The following KIF9 variants were observed in gnomAD, a reference collection of about 807,000 sequenced individuals.
KIF9 encodes kinesin family member 9.
KIF9 carries 68 observed loss-of-function variants against 94.8 expected under a neutral mutation model. That is an observed-to-expected ratio of 0.72 (90% CI 0.59 to 0.88). The LOEUF is 0.88. Among genes scored for constraint, KIF9 ranks in the 40% least tolerant of loss-of-function variants. The pLI is 0.00. For synonymous variants in KIF9, 343 were observed against 362.1 expected (o/e 0.95, Z 0.60); for missense variants, 882 against 982.5 (o/e 0.90, Z 1.37).
At chr3:47,237,374 G>A (rs1258090596) in intron 17 of KIF9, among the ~76,000 whole-genome samples, 6 of 152,180 alleles carry the variant, frequency 3.9e-5, no homozygotes, top group African/African-American at 1.2e-4. Flanking sequence ...GATTACAGGC[G>A]TGAGCCACCA....
chr3:47,244,714 G>A, intron 15 of KIF9, 77 bp downstream of exon 15: 1 of 1,541,660 alleles, frequency 6.5e-7, no homozygotes. Context: ...GGGGGAAAGT[G>A]GGAACAGTGC....
At position 47,280,879 on chromosome 3, in the gene KIF9, G is replaced by A. The variant is rs113295284; in HGVS notation, c.-6+1616C>T. The A allele has an allele frequency of 7.1e-3, 4,968 of 702,792 alleles. 33 individuals are homozygous for A. Among genetic ancestry groups the A allele is most frequent in the Non-Finnish European group, 8.8e-3 (3,390 of 384,896 alleles). The allele number at this position is 702,792 out of a possible 1,614,324, so 43.5% of individuals were successfully genotyped here. A position where few individuals can be genotyped will look rare whatever the true frequency, so the allele number is the denominator to read the frequency against. On this transcript the variant is annotated intron_variant, in intron 1 of 20. Transcript: ENST00000684063. ...CAATAAAGTCTTCCTTTGCACACCC[G>A]TCTTGTGAGCCTGCTACTCAGCAGC...
chr3:47,228,854 G>A lies in KIF9; in HGVS notation c.2323-152C>T, dbSNP rs1698345676. On this transcript the variant is annotated intron_variant, in intron 20 of 20. Transcript: ENST00000684063. The stretch of plus-strand genomic sequence containing the variant: ...TCCTTCTGAGTAGCCCCAATTCTCT[G>A]AGAAATAACATCCATTCAAACTCTT... 4.4e-6 allele frequency: 3 copies of A among 682,000 alleles called. No homozygotes were observed. The East Asian group carries it at 7.6e-5, about 17-fold the overall frequency. 42.2% of individuals were successfully genotyped at this position (682,000 alleles called of 1,614,324 possible). A position where few individuals can be genotyped will look rare whatever the true frequency, so the allele number is the denominator to read the frequency against.
At chr3:47,264,113 G>A in intron 9 of KIF9, 173 bp downstream of exon 9, 1 of 604,182 alleles carries the variant, frequency 1.7e-6, no homozygotes, top group Non-Finnish European at 3.1e-6. Context: ...CTTGGTGTGT[G>A]GATCCTAGCT....
At chr3:47,238,576 T>C (rs548443951) in intron 17 of KIF9, 1 of 152,238 alleles carries the variant, frequency 6.6e-6, no homozygotes, top group Non-Finnish European at 1.5e-5. Context: ...AAAGGTATTT[T>C]ATTAATATTT....
chr3:47,239,925 G>A, intron 17 of KIF9: 2 of 1,367,714 alleles, frequency 1.5e-6, no homozygotes, highest in Non-Finnish European at 2.0e-6. Flanking sequence ...TCTGGAAGAA[G>A]ACAGTAAGAC....
chr3:47,266,059 T>C (rs1701272426), intron 7 of KIF9, 182 bp from the exon 8 acceptor site: 4 of 573,550 alleles, frequency 7.0e-6, no homozygotes, highest in South Asian at 2.4e-5. Flanking sequence ...ATAATGGTAA[T>C]ACCAAAACTC....
At chr3:47,241,856 A>ATG (rs1269884983) in intron 16 of KIF9, among the ~76,000 whole-genome samples, 1 of 112,892 alleles carries the variant, frequency 8.9e-6, no homozygotes, top group African/African-American at 3.3e-5. Context: ...ATATATATAT[A>ATG]TATATACACA....
rs1427767676 is a variant in KIF9, at chr3:47,240,969, T to A, written c.1756A>T (p.Asn586Tyr). 2 of 1,614,052 alleles carry A rather than the reference T, an allele frequency of 1.2e-6. No individual in the cohort carries two copies. Among genetic ancestry groups the A allele is most frequent in the Non-Finnish European group, 1.7e-6 (2 of 1,180,040 alleles). The change falls in exon 17 of 21, where the codon AAT becomes TAT. Residue 586 changes from asparagine to tyrosine, a missense_variant. Coordinates refer to ENST00000684063, the MANE Select transcript of KIF9 (RefSeq NM_182902.4). ...CGGTTGATCTCACTACCTTGCTCAT[T>A]CTTAAACTCCTCAAAGGCCACTGGT... ...SKPVAFEEFKNEQGSEINRIF... is the reference protein window; with the variant it reads ...SKPVAFEEFKYEQGSEINRIF...
At chr3:47,229,906 G>A (rs772676616) in intron 20 of KIF9, among the ~76,000 whole-genome samples, 3 of 151,952 alleles carry the variant, frequency 2.0e-5, no homozygotes, top group African/African-American at 2.4e-5. Context: ...GCTAGTTTTT[G>A]TGTTTTTAGT....
intron 1 of KIF9, among the ~76,000 whole-genome samples, chr3:47,279,805 G>T (rs927484312): frequency 6.6e-6 from 1 of 152,030 alleles, no homozygotes; most frequent in Non-Finnish European, 1.5e-5. Context: ...TTTTAGTAGA[G>T]ATGGGGTTTC....
intron 16 of KIF9, among the ~76,000 whole-genome samples, chr3:47,241,805 A>ATATG (rs1553616058): frequency 6.9e-6 from 1 of 143,920 alleles, no homozygotes; most frequent in South Asian, 2.1e-4. Context: ...ATATGTATAT[A>ATATG]TGTATATATG....
intron 17 of KIF9, chr3:47,239,612 C>T: frequency 9.6e-7 from 1 of 1,044,412 alleles, no homozygotes; most frequent in East Asian, 7.3e-5. Flanking sequence ...TTTTCCAAGA[C>T]AGTCTTCATC....
chr3:47,262,790 A>G (rs1442708554), intron 9 of KIF9, among the ~76,000 whole-genome samples: 1 of 152,230 alleles, frequency 6.6e-6, no homozygotes, highest in Non-Finnish European at 1.5e-5. Context: ...CTTTGGAAAT[A>G]ATCTGTTTCT....
At chr3:47,248,743 C>T (rs1161226622) in intron 10 of KIF9, among the ~76,000 whole-genome samples, 1 of 152,056 alleles carries the variant, frequency 6.6e-6, no homozygotes, top group African/African-American at 2.4e-5. Context: ...ATACCCAGCA[C>T]CAGAATGCTT....
At chr3:47,278,237 A>G (rs1448585353) in intron 1 of KIF9, among the ~76,000 whole-genome samples, 2 of 151,844 alleles carry the variant, frequency 1.3e-5, no homozygotes, top group Non-Finnish European at 2.9e-5. Context: ...GTGCCCGGCT[A>G]GTTTTCTTAC....
In KIF9 at chr3:47,265,804, G is replaced by T. The variant is rs753494950; in HGVS notation, c.842C>A (p.Ala281Asp). The T allele has an allele frequency of 4.3e-5, 70 of 1,614,170 alleles. No individual in the cohort carries two copies. Among genetic ancestry groups the T allele is most frequent in the Non-Finnish European group, 5.6e-5 (66 of 1,180,004 alleles). ...SLSFLEQAII[A>D]LGDQKRDHIP... ...GTGGTCCCGCTTCTGGTCCCCAAGG[G>T]CAATGATGGCCTGCTCCAGGAATGA... is the stretch of plus-strand genomic sequence containing the variant. The change falls in exon 8 of 21, where the codon GCC becomes GAC. Residue 281 changes from alanine to aspartate, a missense_variant. By Grantham distance (126) the Ala-to-Asp change is moderately radical (BLOSUM62 -2). Coordinates refer to ENST00000684063, the MANE Select transcript of KIF9 (RefSeq NM_182902.4).
chr3:47,273,572 G>C lies in KIF9; in HGVS notation c.346C>G (p.Leu116Val). Residue 116 changes from leucine (L) to valine (V), a missense_variant, in exon 4 of 21, where the codon CTC (leucine) becomes GTC (valine). Physicochemically the swap from Leu to Val is conservative, Grantham distance 32. Coordinates refer to ENST00000684063, the MANE Select transcript of KIF9 (RefSeq NM_182902.4). The stretch of plus-strand genomic sequence containing the variant: ...TCTACCTGCTGCAGGGCACGAGGGA[G>C]GATCCCCCGGTGCTTGTAATTCTCA... ...ATENYKHRGI[L>V]PRALQQVFRM... 3 of 1,609,998 alleles carry C rather than the reference G, an allele frequency of 1.9e-6. No individual in the cohort carries two copies. Among genetic ancestry groups the C allele is most frequent in the South Asian group, 2.2e-5 (2 of 90,458 alleles).
intron 12 of KIF9, chr3:47,246,471 G>A (rs1202887729): frequency 2.9e-6 from 1 of 343,120 alleles, no homozygotes; most frequent in Non-Finnish European, 5.2e-6. Flanking sequence ...AGTATTTGCT[G>A]AGGCTATAAA....
Sources: gnomAD v4.1 joint callset for allele counts (sites outside exome capture counted in the v4.1 genomes callset) on GRCh38, gnomAD v4.1.1 for gene constraint, MANE v1.5 for transcripts, NCBI Gene and HGNC (gene_info 2026-07-23, HGNC 2026-07-21) for gene names.